The following SOS2 variants were observed in gnomAD, a reference collection of about 807,000 sequenced individuals.
SOS2 encodes son of sevenless homolog 2.
In SOS2, 65 loss-of-function variants were observed where a neutral mutation model predicts 148.2. The observed-to-expected ratio is 0.44, with a 90% confidence interval of 0.36 to 0.54. SOS2 has a LOEUF of 0.54. Among genes scored for constraint, SOS2 ranks in the 20% least tolerant of loss-of-function variants. The probability of loss-of-function intolerance (pLI) is 0.00; values close to 1 mark genes in which losing one functional copy is unlikely to be tolerated. For synonymous variants in SOS2, 539 were observed against 537.1 expected (o/e 1.00, Z -0.05); for missense variants, 1,341 against 1,590.2 (o/e 0.84, Z 2.67).
chr14:50,229,408 G>A (rs1305867006), intron 1 of SOS2, among the ~76,000 whole-genome samples: 2 of 151,616 alleles, frequency 1.3e-5, no homozygotes, highest in African/African-American at 4.8e-5. Flanking sequence ...AGGCACCTGA[G>A]TTCCAGGAAA....
chr14:50,221,831 TTAATAA>T (rs200318427), intron 1 of SOS2, among the ~76,000 whole-genome samples: 1 of 151,686 alleles, frequency 6.6e-6, no homozygotes, highest in Non-Finnish European at 1.5e-5. Context: ...GAATGAGACT[TTAATAA>T]TAATAATAAT....
At chr14:50,127,528 A>T (rs1046197204) in intron 21 of SOS2, among the ~76,000 whole-genome samples, 1 of 152,244 alleles carries the variant, frequency 6.6e-6, no homozygotes, top group Non-Finnish European at 1.5e-5. Flanking sequence ...TACTCAAGAC[A>T]GAGATGGAAG....
chr14:50,138,313 T>C (rs568781620), intron 18 of SOS2, among the ~76,000 whole-genome samples: 5 of 152,098 alleles, frequency 3.3e-5, no homozygotes, highest in South Asian at 2.1e-4. Flanking sequence ...CCCAGCACCA[T>C]GCCCAGCTAA....
intron 8 of SOS2, among the ~76,000 whole-genome samples, chr14:50,165,305 G>C (rs1885131914): frequency 6.6e-6 from 1 of 152,078 alleles, no homozygotes; most frequent in Non-Finnish European, 1.5e-5. Context: ...ACAGGAACTG[G>C]TCAGTGAAGC....
intron 5 of SOS2, among the ~76,000 whole-genome samples, chr14:50,183,638 C>T (rs1211617774): frequency 6.6e-6 from 1 of 152,144 alleles, no homozygotes; most frequent in Non-Finnish European, 1.5e-5. Flanking sequence ...TTAAAACTGG[C>T]TGAGATGCTA....
chr14:50,161,230 C>G (rs7154198), intron 9 of SOS2, among the ~76,000 whole-genome samples: 1 of 150,666 alleles, frequency 6.6e-6, no homozygotes, highest in Non-Finnish European at 1.5e-5. Flanking sequence ...GAGGCTAAGG[C>G]TGCAGGTTGC....
intron 1 of SOS2, among the ~76,000 whole-genome samples, chr14:50,218,520 C>T (rs1595034491): frequency 6.6e-6 from 1 of 151,238 alleles, no homozygotes; most frequent in East Asian, 1.9e-4. Flanking sequence ...AAGACTCCAT[C>T]CCCCCAAAAA....
At position 50,223,142 on chromosome 14, in the gene SOS2, G is replaced by A. The variant is rs553925490; in HGVS notation, c.87+8055C>T. On this transcript the variant is annotated intron_variant, in intron 1 of 22. Coordinates refer to ENST00000216373, the MANE Select transcript of SOS2 (RefSeq NM_006939.4). ...TTTTAGTTTGAGCAACCGGAAGGAT[G>A]GAGTAGCCATTTATTGATATGTTAA... 1.7e-3 allele frequency among the ~76,000 whole-genome samples: 259 copies of A among 152,316 alleles called. 1 individual carries two copies. Among genetic ancestry groups the A allele is most frequent in the African/African-American group, 5.9e-3 (244 of 41,566 alleles).
At chr14:50,186,489 T>C (rs1418736208) in intron 5 of SOS2, among the ~76,000 whole-genome samples, 1 of 152,144 alleles carries the variant, frequency 6.6e-6, no homozygotes, top group East Asian at 1.9e-4. Flanking sequence ...TTGATTAAGA[T>C]GTTAATTTCC....
chr14:50,183,228 T>C (rs1885800285), intron 5 of SOS2, among the ~76,000 whole-genome samples: 1 of 152,138 alleles, frequency 6.6e-6, no homozygotes, highest in Non-Finnish European at 1.5e-5. Context: ...GTAGAAACTA[T>C]TAATAGTTTA....
chr14:50,155,655 A>G (rs1884788217), intron 12 of SOS2, among the ~76,000 whole-genome samples: 1 of 152,168 alleles, frequency 6.6e-6, no homozygotes, highest in South Asian at 2.1e-4. Context: ...TTCCCCCAGT[A>G]AAGTCCCCAA....
In SOS2 at chr14:50,188,620, T is replaced by A. The variant is rs113460230; in HGVS notation, c.591A>T (p.Leu197Phe). Reference sequence around the variant, plus strand: ...CAGTTCTGACAAGATCATAGTAGTTTAATTCACCAGAAGAACTAGGTTCAT... The same window carrying A: ...CAGTTCTGACAAGATCATAGTAGTTAAATTCACCAGAAGAACTAGGTTCAT... ...CEDEPSSSGELNYYDLVRTEI... is the reference protein window; with the variant it reads ...CEDEPSSSGEFNYYDLVRTEI... The change falls in exon 5 of 23, where the codon TTA (leucine) becomes TTT (phenylalanine). Residue 197 changes from leucine to phenylalanine, a missense_variant. This residue lies in a region of SOS2 where 574 missense variants were observed against 711.1 expected (regional missense o/e 0.81). Transcript: ENST00000216373. 6.2e-7 allele frequency: 1 copy of A among 1,610,466 alleles called. No individual in the cohort carries two copies. Among genetic ancestry groups the A allele is most frequent in the Admixed American group, 1.7e-5 (1 of 59,424 alleles).
chr14:50,179,746 G>A (rs1885670652), intron 7 of SOS2, among the ~76,000 whole-genome samples: 1 of 152,132 alleles, frequency 6.6e-6, no homozygotes, highest in African/African-American at 2.4e-5. Flanking sequence ...TGTTAGTGTT[G>A]AGATAGTAAA....
chr14:50,165,861 A>G (rs749936838), intron 8 of SOS2, among the ~76,000 whole-genome samples: 1 of 152,340 alleles, frequency 6.6e-6, no homozygotes, highest in Middle Eastern at 3.4e-3. Flanking sequence ...TACTATAATC[A>G]TATGTTACAG....
At chr14:50,184,804 T>C (rs1464299237) in intron 5 of SOS2, among the ~76,000 whole-genome samples, 1 of 135,722 alleles carries the variant, frequency 7.4e-6, no homozygotes, top group Admixed American at 8.8e-5. Flanking sequence ...GCAGAGGTTA[T>C]GGTGAGCCAA....
At chr14:50,203,490 G>C (rs1488536729) in intron 2 of SOS2, among the ~76,000 whole-genome samples, 1 of 151,946 alleles carries the variant, frequency 6.6e-6, no homozygotes, top group Non-Finnish European at 1.5e-5. Flanking sequence ...TTATACAAAA[G>C]AAGTAAAACT....
intron 16 of SOS2, 31 bp downstream of exon 16, chr14:50,145,138 AG>A: frequency 7.7e-7 from 1 of 1,301,536 alleles, no homozygotes; most frequent in Non-Finnish European, 1.0e-6. Flanking sequence ...ATCATCCCCG[AG>A]AAAAATGAAA....
At chr14:50,123,935 AAGGG>A (rs1883604710) in intron 21 of SOS2, among the ~76,000 whole-genome samples, 3 of 152,174 alleles carry the variant, frequency 2.0e-5, no homozygotes, top group Admixed American at 2.0e-4. Context: ...GCGTGTGAGA[AAGGG>A]AGAGAAGTAA....
At chr14:50,140,903 G>T (rs963523516) in intron 16 of SOS2, among the ~76,000 whole-genome samples, 38 of 151,894 alleles carry the variant, frequency 2.5e-4, no homozygotes, top group African/African-American at 8.9e-4. Context: ...AAAGAAATCA[G>T]GATTTAAAAA....
Sources: allele counts gnomAD v4.1 joint callset (sites outside exome capture counted in the v4.1 genomes callset), GRCh38; gene constraint gnomAD v4.1.1; regional missense constraint gnomAD v4.1.1; transcripts MANE v1.5; gene names NCBI Gene and HGNC (gene_info 2026-07-23, HGNC 2026-07-21).